PAX7: variants seen among roughly 807,000 people sequenced by gnomAD.
The protein encoded by PAX7 is paired box protein Pax-7.
In PAX7, 18 loss-of-function variants were observed where a neutral mutation model predicts 50.7. The ratio of observed to expected loss-of-function variants is 0.36; its 90% CI spans 0.25 to 0.53. PAX7 has a LOEUF of 0.53. PAX7 is among the 20% of genes least tolerant of loss of function. PAX7 has a pLI of 0.93. For synonymous variants in PAX7, 310 were observed against 290.4 expected (o/e 1.07, Z -0.69); for missense variants, 644 against 702.9 (o/e 0.92, Z 0.95).
At chr1:18,691,577 A>C (rs1326652605) in intron 4 of PAX7, among the ~76,000 whole-genome samples, 177 bp from the exon 5 acceptor site, 1 of 152,194 alleles carries the variant, frequency 6.6e-6, no homozygotes. Flanking sequence ...CATCCTTCAC[A>C]TTGATAAACA....
chr1:18,640,900 G>C (rs1183374459), intron 4 of PAX7, among the ~76,000 whole-genome samples: 1 of 151,718 alleles, frequency 6.6e-6, no homozygotes, highest in Admixed American at 6.6e-5. Flanking sequence ...ACGTCCCGGC[G>C]GAGGGGGCTC....
intron 4 of PAX7, among the ~76,000 whole-genome samples, chr1:18,678,125 C>T (rs928355001): frequency 6.9e-6 from 1 of 144,022 alleles, no homozygotes; most frequent in African/African-American, 2.6e-5. Flanking sequence ...AGAAAAGAAG[C>T]ATTTAGCCGG....
In PAX7 at chr1:18,733,020, G is replaced by C. The variant is rs571586929; in HGVS notation, c.1156-2612G>C. On this transcript the variant is annotated intron_variant, in intron 7 of 8. Transcript: ENST00000420770. ...CTCTAAGTCTATTCTTGGAGTCCAG[G>C]CCTCCTTTGAGCAGGGAGCAGGGTC... Among the ~76,000 whole-genome samples, 6 of 152,230 alleles carry C rather than the reference G, an allele frequency of 3.9e-5. No homozygotes were observed. In the South Asian group the frequency reaches 8.3e-4, roughly 21 times the overall value.
At chr1:18,665,820 C>T (rs2100217936) in intron 4 of PAX7, among the ~76,000 whole-genome samples, 1 of 152,140 alleles carries the variant, frequency 6.6e-6, no homozygotes, top group African/African-American at 2.4e-5. Flanking sequence ...CAGGCGTGCA[C>T]CACCATGCCT....
chr1:18,742,071 A>C (rs551923858), intron 8 of PAX7, among the ~76,000 whole-genome samples: 1 of 151,818 alleles, frequency 6.6e-6, no homozygotes, highest in African/African-American at 2.4e-5. Flanking sequence ...TTAGAACAGG[A>C]CTAGGATAGA....
rs566629103 is a variant in PAX7 at position 18,631,644 on chromosome 1, C to T, written c.41C>T (p.Pro14Leu). ...LPGTVPRMMR[P>L]APGQNYPRTG... ...GGCACGGTACCGAGAATGATGCGGCCGGCTCCGGGGCAGAACTACCCCCGC... is the reference window on the plus strand; with the variant it reads ...GGCACGGTACCGAGAATGATGCGGCTGGCTCCGGGGCAGAACTACCCCCGC... Residue 14 changes from proline (P) to leucine (L), a missense_variant, in exon 1 of 9, where the codon CCG becomes CTG. Physicochemically the swap from Pro to Leu is moderately conservative, Grantham distance 98. Transcript: ENST00000420770. The T allele has an allele frequency of 3.1e-6, 5 of 1,613,134 alleles. No homozygotes were observed. The highest frequency in any genetic ancestry group is 4.2e-6 in the Non-Finnish European group (5 of 1,179,910).
chr1:18,657,411 A>G (rs1398455392), intron 4 of PAX7, among the ~76,000 whole-genome samples: 1 of 152,102 alleles, frequency 6.6e-6, no homozygotes, highest in Admixed American at 6.5e-5. Flanking sequence ...TGAAAAAAAA[A>G]AAGCCTGCAG....
intron 4 of PAX7, among the ~76,000 whole-genome samples, chr1:18,648,138 C>A: frequency 6.6e-6 from 1 of 151,984 alleles, no homozygotes; most frequent in Non-Finnish European, 1.5e-5. Context: ...GTGAAAACAT[C>A]CTCCAGGTAT....
chr1:18,641,299 G>A (rs1247544945), intron 4 of PAX7, among the ~76,000 whole-genome samples: 1 of 152,264 alleles, frequency 6.6e-6, no homozygotes, highest in Non-Finnish European at 1.5e-5. Flanking sequence ...ATCCGCCCCA[G>A]AGAGCGGGGG....
chr1:18,744,397 G>C (rs983405030), intron 8 of PAX7, among the ~76,000 whole-genome samples: 1 of 151,816 alleles, frequency 6.6e-6, no homozygotes, highest in African/African-American at 2.4e-5. Flanking sequence ...GGAGGTGAGA[G>C]AAAGAGCTTC....
At chr1:18,677,516 G>A (rs1308586889) in intron 4 of PAX7, among the ~76,000 whole-genome samples, 1 of 152,180 alleles carries the variant, frequency 6.6e-6, no homozygotes, top group Non-Finnish European at 1.5e-5. Context: ...CACCTGTTGG[G>A]CACATGCTTC....
chr1:18,706,763 G>A lies in PAX7; in HGVS notation c.1155+3467G>A, dbSNP rs374316124. Among the ~76,000 whole-genome samples, 113 of 152,226 alleles carry A rather than the reference G, an allele frequency of 7.4e-4. 2 individuals carry two copies. The East Asian group carries it at 0.01, about 14-fold the overall frequency. ...CTCCCAAAGTGCTGGTATTACAGGC[G>A]TGAGCCACTGCGTCTGGCCGGAATT... On this transcript the variant is annotated intron_variant, in intron 7 of 8. Coordinates refer to ENST00000420770, the MANE Select transcript of PAX7 (RefSeq NM_001135254.2).
intron 4 of PAX7, among the ~76,000 whole-genome samples, chr1:18,689,621 A>G (rs1214675395): frequency 2.0e-5 from 3 of 152,246 alleles, no homozygotes; most frequent in Non-Finnish European, 1.5e-5. Context: ...CGGACAAGAT[A>G]GCAGGATGGA....
chr1:18,728,413 G>A (rs1478117153), intron 7 of PAX7, among the ~76,000 whole-genome samples: 2 of 151,928 alleles, frequency 1.3e-5, no homozygotes, highest in African/African-American at 2.4e-5. Context: ...TTCCTGCATC[G>A]GTGTCTGGGT....
rs965278257 is a variant in PAX7 at position 18,632,318 on chromosome 1, C to A, written c.85+630C>A. ...ACTCTGGAAATCTCCCGGGAGAGAA[C>A]CTCTAAACGGCGAGGTTTAGAGAAC... On this transcript the variant is annotated intron_variant, in intron 1 of 8. Coordinates refer to ENST00000420770, the MANE Select transcript of PAX7 (RefSeq NM_001135254.2). This position sits in a 1 kb window ranked among gnomAD's most constrained non-coding sequence, Gnocchi z 6.3. 5.3e-5 allele frequency among the ~76,000 whole-genome samples: 8 copies of A among 152,166 alleles called. No individual in the cohort carries two copies. The highest frequency in any genetic ancestry group is 2.0e-4 in the Admixed American group (3 of 15,288).
intron 7 of PAX7, among the ~76,000 whole-genome samples, chr1:18,727,228 C>CA (rs2089582991): frequency 6.6e-6 from 1 of 151,980 alleles, no homozygotes; most frequent in South Asian, 2.1e-4. Context: ...TCACACATCA[C>CA]ACAAGGACTT....
At chr1:18,642,319 C>G (rs2088268882) in intron 4 of PAX7, among the ~76,000 whole-genome samples, 1 of 151,988 alleles carries the variant, frequency 6.6e-6, no homozygotes, top group African/African-American at 2.4e-5. Flanking sequence ...ATGTAATGTA[C>G]AAGGTCCTGG....
chr1:18,649,732 A>C (rs573847830), intron 4 of PAX7, among the ~76,000 whole-genome samples: 1 of 152,318 alleles, frequency 6.6e-6, no homozygotes, highest in South Asian at 2.1e-4. Context: ...CTGTCCTTTC[A>C]ACAGCAAGGG....
intron 7 of PAX7, among the ~76,000 whole-genome samples, chr1:18,724,849 T>C (rs1557552942): frequency 6.6e-6 from 1 of 152,184 alleles, no homozygotes; most frequent in Non-Finnish European, 1.5e-5. Flanking sequence ...TATCAGAAGA[T>C]GGGAACAAAA....
Sources: gnomAD v4.1 joint callset for allele counts (sites outside exome capture counted in the v4.1 genomes callset) on GRCh38, gnomAD v4.1.1 for gene constraint, Gnocchi (gnomAD v3.1) non-coding constraint, MANE v1.5 for transcripts, NCBI Gene and HGNC (gene_info 2026-07-23, HGNC 2026-07-21) for gene names.